The following FARS2 variants were observed in gnomAD, a reference collection of about 807,000 sequenced individuals.
FARS2 encodes phenylalanine--tRNA ligase, mitochondrial.
FARS2 carries 40 observed loss-of-function variants against 46.4 expected under a neutral mutation model. The observed-to-expected ratio is 0.86, with a 90% CI of 0.67 to 1.12. FARS2 has a LOEUF of 1.12. FARS2 is among the 50% of genes most tolerant of loss of function. The pLI, the probability that FARS2 is intolerant of heterozygous loss-of-function variation, is 0.00. For synonymous variants in FARS2, 234 were observed against 214.9 expected (o/e 1.09, Z -0.78); for missense variants, 513 against 567.9 (o/e 0.90, Z 0.98).
Position 5,764,332 on chromosome 6 carries a change from G to C in FARS2, c.1218-6959G>C, listed in dbSNP as rs1762640675. On this transcript the variant is annotated intron_variant, in intron 6 of 6. Coordinates refer to ENST00000274680, the MANE Select transcript of FARS2 (RefSeq NM_006567.5). This position sits in a 1 kb window ranked among gnomAD's most constrained non-coding sequence, Gnocchi z 4.1. ...CCCATTCACTTCTATATTTTCAGGA[G>C]AGGCCATGGAACCTGTCCTCACTTC... Among the ~76,000 whole-genome samples the C allele has an allele frequency of 6.6e-6, 1 of 152,120 alleles. No homozygotes were observed. The highest frequency in any genetic ancestry group is 1.5e-5 in the Non-Finnish European group (1 of 68,022).
chr6:5,747,493 A>G (rs574847888), intron 6 of FARS2, among the ~76,000 whole-genome samples: 1 of 152,328 alleles, frequency 6.6e-6, no homozygotes, highest in African/African-American at 2.4e-5. Context: ...TCTGGGTTAA[A>G]TGTAGGGTGT....
chr6:5,329,505 G>A (rs1276696531), intron 1 of FARS2, among the ~76,000 whole-genome samples: 1 of 152,010 alleles, frequency 6.6e-6, no homozygotes, highest in Non-Finnish European at 1.5e-5. Context: ...AAGTCTCTGG[G>A]CACCAACTGA....
At chr6:5,745,982 C>A (rs182638109) in intron 6 of FARS2, among the ~76,000 whole-genome samples, 14 of 152,328 alleles carry the variant, frequency 9.2e-5, no homozygotes, top group Admixed American at 6.5e-4. Flanking sequence ...AAGCCTCCAA[C>A]TGCATGCCTG....
At chr6:5,722,236 G>C (rs1759958929) in intron 6 of FARS2, among the ~76,000 whole-genome samples, 1 of 152,110 alleles carries the variant, frequency 6.6e-6, no homozygotes, top group Non-Finnish European at 1.5e-5. Context: ...CAGCGAAAAG[G>C]GCAAATAAAG....
chr6:5,470,147 C>G (rs17315112), intron 4 of FARS2, among the ~76,000 whole-genome samples: 5,215 of 152,256 alleles, frequency 0.034, 139 homozygotes, highest in Non-Finnish European at 0.049. Flanking sequence ...AGCAGAATTT[C>G]TTTAATACAG....
At chr6:5,513,551 C>T (rs1439823773) in intron 4 of FARS2, among the ~76,000 whole-genome samples, 1 of 152,188 alleles carries the variant, frequency 6.6e-6, no homozygotes, top group Admixed American at 6.5e-5. Context: ...GTCTCAAATG[C>T]CATCCAGGGC....
chr6:5,528,721 T>G (rs1335982629), intron 4 of FARS2, among the ~76,000 whole-genome samples: 2 of 152,294 alleles, frequency 1.3e-5, no homozygotes, highest in East Asian at 3.9e-4. Flanking sequence ...CAAACCAGTT[T>G]GGAGCAATGA....
intron 6 of FARS2, among the ~76,000 whole-genome samples, chr6:5,758,826 A>T (rs1485341397): frequency 1.3e-5 from 2 of 152,112 alleles, no homozygotes; most frequent in African/African-American, 4.8e-5. Context: ...TGAGGAGCGG[A>T]TGGGAAAGGG....
At chr6:5,623,484 C>T (rs1775875287) in intron 6 of FARS2, among the ~76,000 whole-genome samples, 1 of 152,148 alleles carries the variant, frequency 6.6e-6, no homozygotes, top group Non-Finnish European at 1.5e-5. Context: ...GAGGCTAGGG[C>T]AGGCGGATCA....
At chr6:5,392,871 A>C (rs1230927904) in intron 2 of FARS2, among the ~76,000 whole-genome samples, 1 of 146,586 alleles carries the variant, frequency 6.8e-6, no homozygotes, top group African/African-American at 2.5e-5. Context: ...TGTATATATT[A>C]TATATATGTA....
chr6:5,557,845 T>G (rs1240032640), intron 5 of FARS2, among the ~76,000 whole-genome samples: 3 of 152,172 alleles, frequency 2.0e-5, no homozygotes, highest in African/African-American at 7.2e-5. Flanking sequence ...ATAGGATAAC[T>G]GGATAGGATT....
intron 4 of FARS2, among the ~76,000 whole-genome samples, chr6:5,503,514 T>C (rs1189787043): frequency 6.6e-6 from 1 of 151,672 alleles, no homozygotes; most frequent in Admixed American, 6.6e-5. Flanking sequence ...TTAAAACATC[T>C]TATTGCATAC....
At chr6:5,420,329 T>C (rs374641080) in intron 3 of FARS2, among the ~76,000 whole-genome samples, 1 of 152,214 alleles carries the variant, frequency 6.6e-6, no homozygotes, top group Admixed American at 6.5e-5. Context: ...AAACCAATCA[T>C]GCCTTCTCAA....
Position 5,609,771 on chromosome 6 carries a change from G to A in FARS2, c.1066-3398G>A, listed in dbSNP as rs139606593. On this transcript the variant is annotated intron_variant, in intron 5 of 6. Transcript: ENST00000274680. The stretch of plus-strand genomic sequence containing the variant: ...AAGCCCCTTTTCTTGCCACTGCCTC[G>A]GTCAGTCATGATTTCAGTCACTTCA... 3.2e-4 allele frequency: 485 copies of A among 1,493,078 alleles called. 1 individual carries two copies. Among genetic ancestry groups the A allele is most frequent in the Non-Finnish European group, 3.9e-4 (425 of 1,086,866 alleles). The allele number at this position is 1,493,078 out of a possible 1,614,324, so 92.5% of individuals were successfully genotyped here. A position where few individuals can be genotyped will look rare whatever the true frequency, so the allele number is the denominator to read the frequency against.
chr6:5,676,654 T>A (rs947500843), intron 6 of FARS2, among the ~76,000 whole-genome samples: 9 of 152,260 alleles, frequency 5.9e-5, no homozygotes, highest in African/African-American at 2.2e-4. Context: ...AAGAATTATA[T>A]CTGAAGTCAT....
rs961750071 is a variant in FARS2 at position 5,368,455 on chromosome 6, G to A, written c.-21-95G>A. ...AGGTCGTAGTGGGGGAAACATGCCAGTAGGACAAGAGGGAGCTGGTGGGAG... is the reference window on the plus strand; with the variant it reads ...AGGTCGTAGTGGGGGAAACATGCCAATAGGACAAGAGGGAGCTGGTGGGAG... On this transcript the variant is annotated intron_variant, in intron 1 of 6. Transcript: ENST00000274680. 15 of 1,111,368 alleles carry A rather than the reference G, an allele frequency of 1.3e-5. No homozygotes were observed. In the African/African-American group the frequency reaches 2.0e-4, roughly 15 times the overall value. 68.8% of individuals were successfully genotyped at this position (1,111,368 alleles called of 1,614,324 possible).
rs1315721789 is a variant in FARS2, at chr6:5,311,184, T to A, written c.-22+49524T>A. Among the ~76,000 whole-genome samples, 1 of 152,230 alleles carries A rather than the reference T, an allele frequency of 6.6e-6. No homozygotes were observed. Among genetic ancestry groups the A allele is most frequent in the Non-Finnish European group, 1.5e-5 (1 of 68,042 alleles). ...GCGAGTGAAGAGGATTTGTATGTGC[T>A]GTCAGAGAGGGAATTCCAGTGCATT... On this transcript the variant is annotated intron_variant, in intron 1 of 6. Coordinates refer to ENST00000274680, the MANE Select transcript of FARS2 (RefSeq NM_006567.5). The surrounding 1 kb of genome is among the most constrained non-coding windows in gnomAD (Gnocchi z 4.1).
chr6:5,468,088 C>T (rs969622978), intron 4 of FARS2, among the ~76,000 whole-genome samples: 6 of 152,104 alleles, frequency 3.9e-5, no homozygotes, highest in Non-Finnish European at 5.9e-5. Flanking sequence ...TCCCTGCTTT[C>T]AGAAAGTGGT....
intron 5 of FARS2, among the ~76,000 whole-genome samples, chr6:5,605,457 T>G (rs1027562131): frequency 6.6e-6 from 1 of 152,196 alleles, no homozygotes; most frequent in Non-Finnish European, 1.5e-5. Context: ...TCTCAGGAAC[T>G]GAGCTAAGCA....
Sources: allele counts gnomAD v4.1 joint callset (sites outside exome capture counted in the v4.1 genomes callset), GRCh38; gene constraint gnomAD v4.1.1; non-coding constraint Gnocchi (gnomAD v3.1); transcripts MANE v1.5; gene names NCBI Gene and HGNC (gene_info 2026-07-23, HGNC 2026-07-21).